DDX10: variants seen among roughly 807,000 people sequenced by gnomAD.
DDX10 encodes probable ATP-dependent RNA helicase DDX10.
In DDX10, 74 loss-of-function variants were observed where a neutral mutation model predicts 104.3. That is an observed-to-expected ratio of 0.71 (90% confidence interval 0.59 to 0.86). The LOEUF is 0.86. Among genes scored for constraint, DDX10 ranks in the 40% least tolerant of loss-of-function variants. DDX10 has a pLI of 0.00. For synonymous variants in DDX10, 351 were observed against 353.4 expected, an observed-to-expected ratio of 0.99 and a Z score of 0.08; for missense variants, 952 against 1,040.0, an observed-to-expected ratio of 0.92 and a Z score of 1.16.
At chr11:108,837,097 A>C (rs1387828441) in intron 13 of DDX10, among the ~76,000 whole-genome samples, 1 of 152,190 alleles carries the variant, frequency 6.6e-6, no homozygotes, top group Non-Finnish European at 1.5e-5. Context: ...AATGTATAAA[A>C]GTGGTATTTG....
chr11:108,826,696 A>G (rs1471214478), intron 13 of DDX10, among the ~76,000 whole-genome samples: 4 of 152,196 alleles, frequency 2.6e-5, no homozygotes, highest in Admixed American at 2.6e-4. Context: ...CAGGGCCACA[A>G]AGATGAGGAA....
chr11:108,716,581 A>G (rs762002240), intron 11 of DDX10, among the ~76,000 whole-genome samples: 7 of 152,136 alleles, frequency 4.6e-5, no homozygotes, highest in South Asian at 2.1e-4. Context: ...TAAAATTGCT[A>G]TAACTCCTGA....
At position 108,911,553 on chromosome 11, in the gene DDX10, CTTCTTTTTTT is replaced by C. The variant is rs1186620202; in HGVS notation, c.2305-6317_2305-6308del. ...CCAGTTCCCAAAAGCTTTGCCTCCT[CTTCTTTTTTT>C]TTTTTTTTTTTTTTTTTTTTTTTTG... On this transcript the variant is annotated intron_variant, in intron 16 of 17. Transcript: ENST00000322536. 9.9e-3 allele frequency among the ~76,000 whole-genome samples: 1,163 copies of C among 117,208 alleles called. 37 individuals carry two copies. The highest frequency in any genetic ancestry group is 0.033 in the African/African-American group (1,017 of 30,474). The allele number at this position is 117,208 out of a possible 152,430, so 76.9% of individuals were successfully genotyped here.
chr11:108,678,244 T>A (rs2094228777), intron 4 of DDX10, 71 bp from the exon 5 acceptor site: 1 of 1,501,780 alleles, frequency 6.7e-7, no homozygotes, highest in Admixed American at 2.1e-5. Flanking sequence ...TGCAGATGGC[T>A]TTTATAGCTT....
intron 15 of DDX10, among the ~76,000 whole-genome samples, chr11:108,847,930 C>T (rs1418644865): frequency 6.6e-6 from 1 of 152,152 alleles, no homozygotes; most frequent in African/African-American, 2.4e-5. Context: ...GACTCTTACC[C>T]CAAGGTCTTT....
chr11:108,936,002 C>G (rs143706887), intron 17 of DDX10, among the ~76,000 whole-genome samples: 402 of 152,190 alleles, frequency 2.6e-3, no homozygotes, highest in Non-Finnish European at 4.4e-3. Context: ...TAGCCAAAAG[C>G]AAAGAAATCC....
chr11:108,924,450 A>T (rs899607559), intron 17 of DDX10, among the ~76,000 whole-genome samples: 4 of 152,182 alleles, frequency 2.6e-5, no homozygotes, highest in African/African-American at 9.6e-5. Flanking sequence ...AAACTATTCC[A>T]CATCTAAATA....
In DDX10 at chr11:108,933,260, C is replaced by T. The variant is rs531801693; in HGVS notation, c.2451-6986C>T. ...AGGATTATTACTGAAGGCAAGCCTG[C>T]GGGATGGGAAATTTGACCAGATATT... On this transcript the variant is annotated intron_variant, in intron 17 of 17. Transcript: ENST00000322536. Among the ~76,000 whole-genome samples the T allele has an allele frequency of 3.0e-4, 45 of 151,946 alleles. No individual in the cohort carries two copies. In the South Asian group the frequency reaches 8.3e-3, roughly 28 times the overall value.
chr11:108,780,875 A>G (rs1286825586), intron 13 of DDX10, among the ~76,000 whole-genome samples: 1 of 152,222 alleles, frequency 6.6e-6, no homozygotes, highest in African/African-American at 2.4e-5. Context: ...TGATTCACTT[A>G]TAAACAAGCT....
chr11:108,777,853 A>G (rs2094372166), intron 13 of DDX10, among the ~76,000 whole-genome samples: 1 of 152,212 alleles, frequency 6.6e-6, no homozygotes, highest in Non-Finnish European at 1.5e-5. Context: ...AAGTGTCAGG[A>G]TACAAAATCA....
At position 108,932,163 on chromosome 11, in the gene DDX10, G is replaced by T. The variant is rs553914707; in HGVS notation, c.2451-8083G>T. 2.1e-3 allele frequency among the ~76,000 whole-genome samples: 319 copies of T among 152,086 alleles called. 1 individual carries two copies. The highest frequency in any genetic ancestry group is 3.3e-3 in the South Asian group (16 of 4,822). On this transcript the variant is annotated intron_variant, in intron 17 of 17. Transcript: ENST00000322536. ...CCGTAGACAATACATAAACAAGGGG[G>T]TGAGGCTGAATCATCATTAAAACTT...
At chr11:108,822,526 C>A in intron 13 of DDX10, 1 of 226,242 alleles carries the variant, frequency 4.4e-6, no homozygotes, top group Non-Finnish European at 8.8e-6. Context: ...AACGGCCTCA[C>A]CTGTCTCCTG....
intron 16 of DDX10, among the ~76,000 whole-genome samples, chr11:108,887,783 G>C (rs1308722172): frequency 2.0e-5 from 3 of 152,104 alleles, no homozygotes; most frequent in Non-Finnish European, 4.4e-5. Flanking sequence ...GGTTGTGGTA[G>C]TGGGTGCCTG....
At position 108,838,479 on chromosome 11, in the gene DDX10, A is replaced by C. The variant is rs1862591401; in HGVS notation, c.1999A>C (p.Lys667Gln). The C allele has an allele frequency of 6.2e-7, 1 of 1,612,778 alleles. No homozygotes were observed. The highest frequency in any genetic ancestry group is 1.3e-5 in the African/African-American group (1 of 74,872). The change falls in exon 14 of 18, where the codon AAA becomes CAA. Residue 667 changes from lysine to glutamine, a missense_variant. Physicochemically the swap from Lys to Gln is moderately conservative, Grantham distance 53. Around this residue, in one of 3 missense-constraint regions of DDX10, gnomAD observed 533 missense variants for 534.1 expected, o/e 1.00. Transcript: ENST00000322536. ...KEPSKSSIKK[K>Q]MTKVAEAKKV... ...ACCTTCTAAATCCAGCATCAAGAAA[A>C]AAATGACCAAAGTTGCAGAAGCAAA...
At chr11:108,706,952 A>G in intron 10 of DDX10, 115 bp downstream of exon 10, 1 of 822,454 alleles carries the variant, frequency 1.2e-6, no homozygotes. Flanking sequence ...GCCTGGTTTG[A>G]CTTTTATAAA....
intron 13 of DDX10, among the ~76,000 whole-genome samples, chr11:108,812,960 T>A (rs1367151172): frequency 9.8e-6 from 1 of 101,948 alleles, no homozygotes; most frequent in Admixed American, 1.3e-4. Flanking sequence ...CCAGCCTGGA[T>A]GACAGAGTGA....
chr11:108,691,512 G>T (rs928488946), intron 7 of DDX10, among the ~76,000 whole-genome samples: 4 of 152,124 alleles, frequency 2.6e-5, no homozygotes, highest in African/African-American at 9.7e-5. Context: ...GATCAGTTCT[G>T]TATTACTAAT....
At chr11:108,868,492 A>T (rs2726912) in intron 16 of DDX10, among the ~76,000 whole-genome samples, 26,103 of 151,832 alleles carry the variant, frequency 0.17, 2,451 homozygotes, top group East Asian at 0.27. Context: ...TTACCTTATT[A>T]TTTGCCACAT....
chr11:108,713,363 CTGTTG>C (rs1431713737), intron 10 of DDX10, among the ~76,000 whole-genome samples: 1 of 151,998 alleles, frequency 6.6e-6, no homozygotes, highest in Non-Finnish European at 1.5e-5. Context: ...CCTTGAAGTT[CTGTTG>C]TGTTGTTTTC....
Sources: gnomAD v4.1 joint callset for allele counts (sites outside exome capture counted in the v4.1 genomes callset) on GRCh38, gnomAD v4.1.1 for gene constraint, gnomAD v4.1.1 regional missense constraint, MANE v1.5 for transcripts, NCBI Gene and HGNC (gene_info 2026-07-23, HGNC 2026-07-21) for gene names.